The following TSPAN9 variants were observed in gnomAD, a reference collection of about 807,000 sequenced individuals.
TSPAN9 encodes tetraspanin-9.
In TSPAN9, 16 loss-of-function variants were observed where a neutral mutation model predicts 31.0. That is an observed-to-expected ratio of 0.52 (90% confidence interval 0.35 to 0.78). The LOEUF is 0.78. TSPAN9 is among the 30% of genes least tolerant of loss of function. The pLI, the probability that TSPAN9 is intolerant of heterozygous loss-of-function variation, is 0.01. For synonymous variants in TSPAN9, 145 were observed against 121.6 expected (o/e 1.19, Z -1.27); for missense variants, 272 against 312.5 (o/e 0.87, Z 0.98).
At chr12:3,108,547 C>T (rs571757235) in intron 2 of TSPAN9, among the ~76,000 whole-genome samples, 41 of 152,102 alleles carry the variant, frequency 2.7e-4, no homozygotes, top group African/African-American at 9.2e-4. Context: ...TAGTGTGGCT[C>T]GACTTTCATC....
At chr12:3,167,354 C>T (rs1046417736) in intron 2 of TSPAN9, among the ~76,000 whole-genome samples, 1 of 152,138 alleles carries the variant, frequency 6.6e-6, no homozygotes, top group African/African-American at 2.4e-5. Flanking sequence ...TACTCTGTGC[C>T]AGCCAATGAG....
At chr12:3,202,740 AC>A (rs1294816011) in intron 3 of TSPAN9, among the ~76,000 whole-genome samples, 5 of 151,994 alleles carry the variant, frequency 3.3e-5, no homozygotes, top group Non-Finnish European at 7.4e-5. Flanking sequence ...GTTTGAAGTG[AC>A]TTGAGTTGGA....
rs1445972821 is a variant in TSPAN9 at position 3,224,808 on chromosome 12, C to T, written c.63+23552C>T. ...AGATTTCCCGGTTCTGTCAGCTTCG[C>T]TTCAGCAGTGCTCTTCCTGTCTGGT... On this transcript the variant is annotated intron_variant, in intron 3 of 8. Coordinates refer to ENST00000011898, the MANE Select transcript of TSPAN9 (RefSeq NM_006675.5). Among the ~76,000 whole-genome samples the T allele has an allele frequency of 2.6e-5, 4 of 152,372 alleles. No individual in the cohort carries two copies. The East Asian group carries it at 5.8e-4, about 22-fold the overall frequency.
rs1368090875 is a variant in TSPAN9 at position 3,147,452 on chromosome 12, C to T, written c.-17-53725C>T. Among the ~76,000 whole-genome samples the T allele has an allele frequency of 1.3e-5, 2 of 152,128 alleles. No individual in the cohort carries two copies. Among genetic ancestry groups the T allele is most frequent in the Admixed American group, 6.5e-5 (1 of 15,270 alleles). On this transcript the variant is annotated intron_variant, in intron 2 of 8. Transcript: ENST00000011898. This position sits in a 1 kb window ranked among gnomAD's most constrained non-coding sequence, Gnocchi z 4.3. ...GCCTGAGTCCTGGTGGCATCTCCACCGACGCGACGGGAAGTGGCCTCTCCC... is the reference window on the plus strand; with the variant it reads ...GCCTGAGTCCTGGTGGCATCTCCACTGACGCGACGGGAAGTGGCCTCTCCC...
chr12:3,279,397 T>G (rs1565644603), intron 5 of TSPAN9, among the ~76,000 whole-genome samples: 1 of 152,200 alleles, frequency 6.6e-6, no homozygotes, highest in African/African-American at 2.4e-5. Flanking sequence ...TTAAGCTACT[T>G]GGAGAAGGGA....
At chr12:3,264,917 A>T (rs1002091526) in intron 3 of TSPAN9, among the ~76,000 whole-genome samples, 1 of 152,206 alleles carries the variant, frequency 6.6e-6, no homozygotes, top group East Asian at 1.9e-4. Flanking sequence ...AACCGGGTCT[A>T]CCTGGACCCA....
At chr12:3,227,895 A>G (rs184535288) in intron 3 of TSPAN9, among the ~76,000 whole-genome samples, 1 of 152,246 alleles carries the variant, frequency 6.6e-6, no homozygotes, top group East Asian at 1.9e-4. Flanking sequence ...TGATCTAACG[A>G]TGACTGGTGT....
In TSPAN9 at chr12:3,143,242, TTAA is replaced by T. The variant is rs541324857; in HGVS notation, c.-17-57929_-17-57927del. On this transcript the variant is annotated intron_variant, in intron 2 of 8. Coordinates refer to ENST00000011898, the MANE Select transcript of TSPAN9 (RefSeq NM_006675.5). The surrounding 1 kb of genome is among the most constrained non-coding windows in gnomAD (Gnocchi z 4.2). Reference sequence around the variant, plus strand: ...TAAAGTGGCCCCTTTTTCTTTATAATTAATAATATTTATAGTTATATTAATCAT... The same window carrying T: ...TAAAGTGGCCCCTTTTTCTTTATAATTAATATTTATAGTTATATTAATCAT... Among the ~76,000 whole-genome samples the T allele has an allele frequency of 3.8e-3, 563 of 149,118 alleles. 2 individuals are homozygous for T. Among genetic ancestry groups the T allele is most frequent in the African/African-American group, 0.013 (545 of 41,014 alleles).
rs79050656 is a variant in TSPAN9, at chr12:3,170,342, A to G, written c.-17-30835A>G. 0.046 allele frequency among the ~76,000 whole-genome samples: 6,932 copies of G among 152,152 alleles called. 208 individuals carry two copies. Among genetic ancestry groups the G allele is most frequent in the Non-Finnish European group, 0.069 (4,690 of 67,998 alleles). ...ACTCCAGTTTTATACCTATAGCCCA[A>G]ACTCCTGCGTTGGACACACCAATCT... is the stretch of plus-strand genomic sequence containing the variant. On this transcript the variant is annotated intron_variant, in intron 2 of 8. Coordinates refer to ENST00000011898, the MANE Select transcript of TSPAN9 (RefSeq NM_006675.5). This position sits in a 1 kb window ranked among gnomAD's most constrained non-coding sequence, Gnocchi z 4.4.
At chr12:3,283,019 C>T in intron 8 of TSPAN9, 26 bp from the exon 9 acceptor site, 1 of 1,605,458 alleles carries the variant, frequency 6.2e-7, no homozygotes, top group Non-Finnish European at 8.5e-7. Context: ...CAGCTCCTGC[C>T]TCAGGCCCCT....
At chr12:3,080,068 C>T (rs1416459590) in intron 1 of TSPAN9, among the ~76,000 whole-genome samples, 1 of 151,798 alleles carries the variant, frequency 6.6e-6, no homozygotes, top group Non-Finnish European at 1.5e-5. Context: ...GGATTACAGG[C>T]GTGAGCCACC....
chr12:3,141,649 T>G (rs1398999940), intron 2 of TSPAN9, among the ~76,000 whole-genome samples: 1 of 152,014 alleles, frequency 6.6e-6, no homozygotes, highest in Admixed American at 6.6e-5. Context: ...TGCACGTGTC[T>G]CTCCAAGTCC....
At chr12:3,248,322 G>C (rs1236864664) in intron 3 of TSPAN9, among the ~76,000 whole-genome samples, 2 of 152,232 alleles carry the variant, frequency 1.3e-5, no homozygotes, top group South Asian at 2.1e-4. Context: ...ACATGGGATA[G>C]AGTTTGTGAG....
rs905868016 is a variant in TSPAN9 at position 3,170,049 on chromosome 12, T to C, written c.-17-31128T>C. Among the ~76,000 whole-genome samples the C allele has an allele frequency of 6.6e-6, 1 of 152,196 alleles. No homozygotes were observed. Among genetic ancestry groups the C allele is most frequent in the Non-Finnish European group, 1.5e-5 (1 of 68,030 alleles). ...ATCCTGAATCTCATCTCTGCTACTTTCTGGCTGCCGTGACCTTGAGCAAGT... is the reference window on the plus strand; with the variant it reads ...ATCCTGAATCTCATCTCTGCTACTTCCTGGCTGCCGTGACCTTGAGCAAGT... On this transcript the variant is annotated intron_variant, in intron 2 of 8. Transcript: ENST00000011898. The surrounding 1 kb of genome is among the most constrained non-coding windows in gnomAD (Gnocchi z 4.4).
chr12:3,206,201 C>T (rs1464785296), intron 3 of TSPAN9: 1 of 418,716 alleles, frequency 2.4e-6, no homozygotes, highest in Admixed American at 2.4e-5. Context: ...CCTCCTGTGG[C>T]TTATCAGGGT....
chr12:3,115,071 C>T (rs536831140), intron 2 of TSPAN9, among the ~76,000 whole-genome samples: 2 of 151,600 alleles, frequency 1.3e-5, no homozygotes, highest in African/African-American at 2.4e-5. Flanking sequence ...CCCATGCCCC[C>T]CTTCCCTGCC....
intron 3 of TSPAN9, among the ~76,000 whole-genome samples, chr12:3,220,721 G>GATT (rs1265229264): frequency 1.3e-5 from 2 of 152,066 alleles, no homozygotes; most frequent in Non-Finnish European, 2.9e-5. Flanking sequence ...GCTGTCTCAA[G>GATT]ATAATATGAG....
At chr12:3,161,793 A>G (rs58175078) in intron 2 of TSPAN9, among the ~76,000 whole-genome samples, 4,299 of 151,682 alleles carry the variant, frequency 0.028, 208 homozygotes, top group African/African-American at 0.098. Flanking sequence ...CTATCTATCT[A>G]TCTATCTATC....
intron 3 of TSPAN9, among the ~76,000 whole-genome samples, chr12:3,221,032 T>C (rs1200286680): frequency 6.6e-6 from 1 of 152,144 alleles, no homozygotes; most frequent in Non-Finnish European, 1.5e-5. Context: ...GCTGAACTTT[T>C]GCAAGCCTGC....
Sources: allele counts gnomAD v4.1 joint callset (sites outside exome capture counted in the v4.1 genomes callset), GRCh38; gene constraint gnomAD v4.1.1; non-coding constraint Gnocchi (gnomAD v3.1); transcripts MANE v1.5; gene names NCBI Gene and HGNC (gene_info 2026-07-23, HGNC 2026-07-21).